Variants in EEPD1 observed in about 807,000 individuals in gnomAD.
EEPD1 encodes endonuclease/exonuclease/phosphatase family domain containing 1.
Under a neutral mutation model 46.3 loss-of-function variants are expected in EEPD1, and 17 were observed. The observed-to-expected ratio is 0.37, with a 90% CI of 0.25 to 0.55. The LOEUF (loss-of-function observed/expected upper bound fraction) is 0.55. EEPD1 is among the 20% of genes least tolerant of loss of function. The pLI is 0.83. For missense variants in EEPD1, 673 were observed against 745.6 expected, an observed-to-expected ratio of 0.90 and a Z score of 1.13; for synonymous variants, 313 against 315.6, an observed-to-expected ratio of 0.99 and a Z score of 0.09.
intron 2 of EEPD1, among the ~76,000 whole-genome samples, chr7:36,161,010 T>G (rs2115601238): frequency 6.6e-6 from 1 of 152,268 alleles, no homozygotes; most frequent in South Asian, 2.1e-4. Context: ...GTCCTGGGTG[T>G]GGGGTCTTAC....
intron 2 of EEPD1, among the ~76,000 whole-genome samples, chr7:36,155,527 T>C (rs1784812592): frequency 6.6e-6 from 1 of 152,184 alleles, no homozygotes; most frequent in Admixed American, 6.5e-5. Flanking sequence ...ACTCAGAGCA[T>C]GGGAACTGGT....
chr7:36,292,372 T>C (rs1404473683), intron 6 of EEPD1, among the ~76,000 whole-genome samples: 1 of 124,536 alleles, frequency 8.0e-6, no homozygotes, highest in Non-Finnish European at 1.8e-5. Context: ...TTCTTTTCTT[T>C]TGTTTTGTTT....
intron 3 of EEPD1, among the ~76,000 whole-genome samples, chr7:36,278,885 C>G (rs972340417): frequency 6.6e-6 from 1 of 152,198 alleles, no homozygotes; most frequent in East Asian, 1.9e-4. Flanking sequence ...ACTCCCTCGC[C>G]CCTGTCAGCA....
chr7:36,172,480 G>A (rs1785101375), intron 2 of EEPD1, among the ~76,000 whole-genome samples: 1 of 152,302 alleles, frequency 6.6e-6, no homozygotes, highest in South Asian at 2.1e-4. Flanking sequence ...CTTGCCCTAT[G>A]CATCCCTTCA....
intron 3 of EEPD1, among the ~76,000 whole-genome samples, chr7:36,279,445 G>A (rs570604704): frequency 1.3e-5 from 2 of 152,344 alleles, no homozygotes; most frequent in South Asian, 4.1e-4. Flanking sequence ...GACTAGCTCA[G>A]TACTCAGTAA....
At chr7:36,272,849 A>G (rs745675643) in intron 3 of EEPD1, among the ~76,000 whole-genome samples, 4 of 152,208 alleles carry the variant, frequency 2.6e-5, no homozygotes, top group Admixed American at 6.5e-5. Flanking sequence ...AGGAGCAGGA[A>G]GCCCATGGCT....
Position 36,200,536 on chromosome 7 carries a change from C to T in EEPD1, c.879-38449C>T, listed in dbSNP as rs569738699. On this transcript the variant is annotated intron_variant, in intron 2 of 7. Coordinates refer to ENST00000242108, the MANE Select transcript of EEPD1 (RefSeq NM_030636.3). ...GCATAATTTTGCTTAAGCTAAGAGGCCAATTCTAAAAAGAAGAACTTACTT... is the reference window on the plus strand; with the variant it reads ...GCATAATTTTGCTTAAGCTAAGAGGTCAATTCTAAAAAGAAGAACTTACTT... Among the ~76,000 whole-genome samples the T allele has an allele frequency of 2.6e-5, 4 of 152,290 alleles. No homozygotes were observed. The East Asian group carries it at 7.7e-4, about 29-fold the overall frequency.
intron 2 of EEPD1, among the ~76,000 whole-genome samples, chr7:36,197,061 A>G (rs6462660): frequency 0.95 from 127,210 of 134,266 alleles, 60,412 homozygotes; most frequent in Non-Finnish European, 0.99. Context: ...CGGCCCGGCC[A>G]CGACCCCGTC....
chr7:36,226,268 TAAAG>T (rs1786230147), intron 2 of EEPD1, among the ~76,000 whole-genome samples: 1 of 152,188 alleles, frequency 6.6e-6, no homozygotes, highest in African/African-American at 2.4e-5. Context: ...TGTTAGTGGC[TAAAG>T]AAAGGCTCTG....
At position 36,258,722 on chromosome 7, in the gene EEPD1, C is replaced by T. The variant is rs189533309; in HGVS notation, c.930+19686C>T. ...CGACTTCAGACTGCTGTGCTGGCAGCGAGAATTTCAAGCCAGTGGATCTTA... is the reference window on the plus strand; with the variant it reads ...CGACTTCAGACTGCTGTGCTGGCAGTGAGAATTTCAAGCCAGTGGATCTTA... On this transcript the variant is annotated intron_variant, in intron 3 of 7. Transcript: ENST00000242108. Among the ~76,000 whole-genome samples the T allele has an allele frequency of 2.6e-5, 4 of 152,216 alleles. No homozygotes were observed. In the South Asian group the frequency reaches 6.2e-4, roughly 24 times the overall value.
At chr7:36,261,876 G>A (rs559331791) in intron 3 of EEPD1, among the ~76,000 whole-genome samples, 25 of 152,336 alleles carry the variant, frequency 1.6e-4, no homozygotes, top group African/African-American at 5.8e-4. Flanking sequence ...TTTGGAATGA[G>A]TAATTCCTAC....
chr7:36,190,906 C>G (rs550784332), intron 2 of EEPD1, among the ~76,000 whole-genome samples: 135 of 152,312 alleles, frequency 8.9e-4, no homozygotes, highest in Non-Finnish European at 1.6e-3. Context: ...GCAGCCAGCA[C>G]CCCCGGAATG....
At chr7:36,183,970 A>T (rs1033897833) in intron 2 of EEPD1, among the ~76,000 whole-genome samples, 6 of 151,892 alleles carry the variant, frequency 4.0e-5, no homozygotes, top group Non-Finnish European at 7.4e-5. Context: ...ATCTCAATAT[A>T]AGCAAAGGAG....
chr7:36,294,032 A>G (rs771753270), intron 6 of EEPD1, among the ~76,000 whole-genome samples: 2 of 152,184 alleles, frequency 1.3e-5, no homozygotes, highest in Non-Finnish European at 2.9e-5. Context: ...GATAAGAAAA[A>G]AAAAAGTAGG....
At chr7:36,273,129 TACAC>T (rs10578694) in intron 3 of EEPD1, among the ~76,000 whole-genome samples, 21,269 of 148,164 alleles carry the variant, frequency 0.14, 1,670 homozygotes, top group African/African-American at 0.21. Flanking sequence ...GGTGCATGCT[TACAC>T]ACACACACAC....
intron 2 of EEPD1, among the ~76,000 whole-genome samples, chr7:36,235,829 C>T (rs977644050): frequency 3.9e-5 from 6 of 152,034 alleles, no homozygotes; most frequent in African/African-American, 1.4e-4. Flanking sequence ...TAAAATTTAG[C>T]ATTTTAACTC....
At chr7:36,282,722 G>A (rs1303596732) in intron 4 of EEPD1, among the ~76,000 whole-genome samples, 10 of 152,238 alleles carry the variant, frequency 6.6e-5, no homozygotes, top group South Asian at 4.1e-4. Flanking sequence ...CAGGCGGAAC[G>A]GGCATGAGGT....
At chr7:36,178,371 T>A (rs7801679) in intron 2 of EEPD1, among the ~76,000 whole-genome samples, 3 of 152,212 alleles carry the variant, frequency 2.0e-5, no homozygotes, top group Admixed American at 6.5e-5. Context: ...TCTGAAAGCA[T>A]TGGGGCTCCC....
intron 4 of EEPD1, among the ~76,000 whole-genome samples, chr7:36,284,351 G>C (rs1230884833): frequency 6.6e-6 from 1 of 152,288 alleles, no homozygotes; most frequent in East Asian, 1.9e-4. Flanking sequence ...TCCTCATCTG[G>C]GAAATGGAAG....
Sources: allele counts gnomAD v4.1 joint callset (sites outside exome capture counted in the v4.1 genomes callset), GRCh38; gene constraint gnomAD v4.1.1; transcripts MANE v1.5; gene names NCBI Gene and HGNC (gene_info 2026-07-23, HGNC 2026-07-21).